DPF3: variants seen among roughly 807,000 people sequenced by gnomAD.
The protein encoded by DPF3 is double PHD fingers 3, also known as zinc finger protein DPF3.
Under a neutral mutation model 56.8 loss-of-function variants are expected in DPF3, and 18 were observed. The observed-to-expected ratio is 0.32, with a 90% CI of 0.22 to 0.47. The LOEUF (loss-of-function observed/expected upper bound fraction) is 0.47, where lower values mean the gene tolerates loss of function less well. DPF3 is among the 20% of genes least tolerant of loss of function. The pLI, the probability that DPF3 is intolerant of heterozygous loss-of-function variation, is 1.00. For synonymous variants in DPF3, 188 were observed against 180.2 expected (o/e 1.04, Z -0.35); for missense variants, 403 against 488.8 (o/e 0.82, Z 1.65).
At chr14:72,678,229 C>G (rs951501399) in intron 7 of DPF3, among the ~76,000 whole-genome samples, 3 of 152,224 alleles carry the variant, frequency 2.0e-5, no homozygotes, top group African/African-American at 7.2e-5. Flanking sequence ...AATCACACTT[C>G]TCTGCCTCCT....
chr14:72,712,821 C>T (rs1414706512), intron 6 of DPF3, among the ~76,000 whole-genome samples: 3 of 152,180 alleles, frequency 2.0e-5, no homozygotes, highest in Non-Finnish European at 4.4e-5. Flanking sequence ...GAGCTATAAT[C>T]CTATGATTGC....
intron 1 of DPF3, among the ~76,000 whole-genome samples, chr14:72,867,794 A>T (rs1458365534): frequency 1.3e-5 from 2 of 152,126 alleles, no homozygotes; most frequent in African/African-American, 4.8e-5. Context: ...GCTGGAGTGC[A>T]GTGGCACAAT....
chr14:72,631,952 T>C (rs1885194330), intron 8 of DPF3, among the ~76,000 whole-genome samples: 3 of 152,064 alleles, frequency 2.0e-5, no homozygotes, highest in African/African-American at 7.2e-5. Context: ...AAGAGGAGGA[T>C]TCCAAGTAAG....
intron 1 of DPF3, among the ~76,000 whole-genome samples, chr14:72,785,388 CAGAG>C (rs1892168727): frequency 6.6e-6 from 1 of 152,184 alleles, no homozygotes; most frequent in Non-Finnish European, 1.5e-5. Context: ...AACTGAGGCA[CAGAG>C]AGTCTTACGT....
chr14:72,728,122 G>T (rs6574093), intron 4 of DPF3, among the ~76,000 whole-genome samples: 68,948 of 152,022 alleles, frequency 0.45, 16,556 homozygotes, highest in African/African-American at 0.62. Context: ...TCTGCCCCAT[G>T]CATTGATTCT....
At chr14:72,721,594 C>A (rs1889175993) in intron 5 of DPF3, among the ~76,000 whole-genome samples, 1 of 152,154 alleles carries the variant, frequency 6.6e-6, no homozygotes. Flanking sequence ...AGGGAGAGAT[C>A]AGGCTGACAA....
intron 1 of DPF3, among the ~76,000 whole-genome samples, chr14:72,841,468 A>AT (rs1411084810): frequency 1.3e-5 from 2 of 152,114 alleles, no homozygotes; most frequent in Admixed American, 6.5e-5. Flanking sequence ...CTGGTGTTTG[A>AT]TTTTCACTCA....
Position 72,657,529 on chromosome 14 carries a change from T to C in DPF3, c.871+16711A>G, listed in dbSNP as rs866535216. 2.0e-5 allele frequency among the ~76,000 whole-genome samples: 3 copies of C among 152,180 alleles called. No individual in the cohort carries two copies. In the South Asian group the frequency reaches 6.2e-4, roughly 32 times the overall value. The stretch of plus-strand genomic sequence containing the variant: ...ACATTTGTTGCATTTGGCCATGAAA[T>C]AGTTTACAGTACTGATCATGAAATG... On this transcript the variant is annotated intron_variant, in intron 8 of 10. Coordinates refer to ENST00000556509, the MANE Select transcript of DPF3 (RefSeq NM_001280542.3).
intron 1 of DPF3, among the ~76,000 whole-genome samples, chr14:72,867,895 T>C (rs138768532): frequency 5.9e-5 from 9 of 152,214 alleles, no homozygotes; most frequent in Admixed American, 2.0e-4. Context: ...TGTGTCACCA[T>C]GCCTGGCTAT....
intron 1 of DPF3, among the ~76,000 whole-genome samples, chr14:72,801,643 A>T (rs909218155): frequency 6.6e-6 from 1 of 152,154 alleles, no homozygotes; most frequent in Non-Finnish European, 1.5e-5. Context: ...ACTGCCAAGG[A>T]GTGACACTGT....
At chr14:72,740,978 G>A (rs1006596219) in intron 3 of DPF3, among the ~76,000 whole-genome samples, 28 of 152,244 alleles carry the variant, frequency 1.8e-4, no homozygotes, top group African/African-American at 6.7e-4. Context: ...GAGGCAGGAG[G>A]AGGATCACGT....
At chr14:72,730,305 C>T (rs1323584388) in intron 4 of DPF3, among the ~76,000 whole-genome samples, 2 of 151,962 alleles carry the variant, frequency 1.3e-5, no homozygotes, top group Non-Finnish European at 2.9e-5. Context: ...CAAATATGAC[C>T]CCAAGGTCCC....
rs73298185 is a variant in DPF3, at chr14:72,699,913, A to G, written c.605-6700T>C. ...CAACTGCAGGGTGCTCCAAGAAATG[A>G]GGAAGTGCTGATGGGGCCAGCTGTG... On this transcript the variant is annotated intron_variant, in intron 6 of 10. Transcript: ENST00000556509. Among the ~76,000 whole-genome samples the G allele has an allele frequency of 8.5e-3, 1,292 of 152,252 alleles. 17 individuals are homozygous for G. The highest frequency in any genetic ancestry group is 0.03 in the African/African-American group (1,247 of 41,526).
chr14:72,745,536 G>C (rs1890290299), intron 3 of DPF3, among the ~76,000 whole-genome samples: 1 of 152,052 alleles, frequency 6.6e-6, no homozygotes, highest in African/African-American at 2.4e-5. Context: ...AGAATGTCTA[G>C]GTCAAAGAGC....
At chr14:72,849,412 G>A (rs74819292) in intron 1 of DPF3, among the ~76,000 whole-genome samples, 40,310 of 151,950 alleles carry the variant, frequency 0.27, 5,459 homozygotes, top group Non-Finnish European at 0.27. Context: ...GGGCTGCCCC[G>A]GCTGCCTCCT....
rs552189291 is a variant in DPF3, at chr14:72,627,131, G to C, written c.984+2493C>G. On this transcript the variant is annotated intron_variant, in intron 9 of 10. Transcript: ENST00000556509. Reference sequence around the variant, plus strand: ...GTCAGTTGTCTTTTGACTTTATCATGTTTTTGACTATGCAAAATGTTTATG... The same window carrying C: ...GTCAGTTGTCTTTTGACTTTATCATCTTTTTGACTATGCAAAATGTTTATG... Among the ~76,000 whole-genome samples, 8 of 152,018 alleles carry C rather than the reference G, an allele frequency of 5.3e-5. No homozygotes were observed. The East Asian group carries it at 1.4e-3, about 26-fold the overall frequency.
chr14:72,863,004 A>C (rs1021846074), intron 1 of DPF3, among the ~76,000 whole-genome samples: 1 of 150,956 alleles, frequency 6.6e-6, no homozygotes, highest in Non-Finnish European at 1.5e-5. Flanking sequence ...ATATTTTTAT[A>C]TCCCCATTAG....
At chr14:72,699,432 G>A (rs1301403338) in intron 6 of DPF3, among the ~76,000 whole-genome samples, 3 of 150,920 alleles carry the variant, frequency 2.0e-5, no homozygotes, top group African/African-American at 7.3e-5. Flanking sequence ...TGAGGTGGGA[G>A]GATCACTTGA....
intron 8 of DPF3, among the ~76,000 whole-genome samples, chr14:72,657,531 G>C (rs977786931): frequency 1.3e-5 from 2 of 152,138 alleles, no homozygotes; most frequent in Non-Finnish European, 2.9e-5. Context: ...CCATGAAATA[G>C]TTTACAGTAC....
Sources: gnomAD v4.1 joint callset for allele counts (sites outside exome capture counted in the v4.1 genomes callset) on GRCh38, gnomAD v4.1.1 for gene constraint, MANE v1.5 for transcripts, NCBI Gene and HGNC (gene_info 2026-07-23, HGNC 2026-07-21) for gene names.